Variants in STAG1 observed in about 807,000 individuals in gnomAD.
STAG1 encodes the protein cohesin subunit SA-1.
Under a neutral mutation model 170.9 loss-of-function variants are expected in STAG1, and 26 were observed. The ratio of observed to expected loss-of-function variants is 0.15; its 90% CI spans 0.11 to 0.21. The LOEUF is 0.21. STAG1 is among the 10% of genes least tolerant of loss of function. The pLI is 1.00. For missense variants in STAG1, 964 were observed against 1,509.5 expected, an observed-to-expected ratio of 0.64 and a Z score of 5.99; for synonymous variants, 514 against 497.7, an observed-to-expected ratio of 1.03 and a Z score of -0.44.
chr3:136,341,601 G>A, intron 30 of STAG1, 50 bp from the exon 31 acceptor site: 1 of 1,261,956 alleles, frequency 7.9e-7, no homozygotes, highest in Non-Finnish European at 1.2e-6. Context: ...GATGAATTTA[G>A]CTAATGAGCC....
At chr3:136,632,717 A>G (rs1940379900) in intron 1 of STAG1, among the ~76,000 whole-genome samples, 1 of 152,124 alleles carries the variant, frequency 6.6e-6, no homozygotes, top group Non-Finnish European at 1.5e-5. Flanking sequence ...ACGCATGCCC[A>G]AGGCTAAAAG....
intron 3 of STAG1, among the ~76,000 whole-genome samples, chr3:136,619,768 A>AG (rs1319608526): frequency 6.6e-6 from 1 of 150,650 alleles, no homozygotes; most frequent in Non-Finnish European, 1.5e-5. Flanking sequence ...AAAAAAAAAA[A>AG]AAAAAAAAAA....
intron 3 of STAG1, among the ~76,000 whole-genome samples, chr3:136,615,261 G>C (rs1358532476): frequency 2.0e-5 from 3 of 151,862 alleles, no homozygotes; most frequent in African/African-American, 7.2e-5. Flanking sequence ...ACAAGAGACA[G>C]ATAGATACCT....
intron 22 of STAG1, among the ~76,000 whole-genome samples, chr3:136,388,824 G>C (rs1264553791): frequency 6.6e-6 from 1 of 152,198 alleles, no homozygotes; most frequent in Non-Finnish European, 1.5e-5. Context: ...AGCAGGATAA[G>C]ATACCCATTT....
intron 1 of STAG1, among the ~76,000 whole-genome samples, chr3:136,657,953 G>A (rs574632030): frequency 1.3e-5 from 2 of 152,304 alleles, no homozygotes; most frequent in South Asian, 2.1e-4. Flanking sequence ...TATAAAAAGG[G>A]AACACTATTA....
At chr3:136,616,300 T>C (rs1252846146) in intron 3 of STAG1, among the ~76,000 whole-genome samples, 2 of 151,350 alleles carry the variant, frequency 1.3e-5, no homozygotes, top group African/African-American at 2.4e-5. Flanking sequence ...AGACCTCAAA[T>C]TTCAATAGAT....
intron 5 of STAG1, among the ~76,000 whole-genome samples, chr3:136,563,377 A>C (rs1001133195): frequency 1.3e-5 from 2 of 152,098 alleles, no homozygotes; most frequent in Non-Finnish European, 2.9e-5. Flanking sequence ...TTCTCCCTCC[A>C]TCTTTGTTGA....
intron 16 of STAG1, among the ~76,000 whole-genome samples, chr3:136,426,381 C>A (rs2088125360): frequency 6.6e-6 from 1 of 152,208 alleles, no homozygotes; most frequent in African/African-American, 2.4e-5. Context: ...CACTGCACTC[C>A]AGCCTGGGCA....
At chr3:136,562,263 T>C (rs1050759963) in intron 5 of STAG1, among the ~76,000 whole-genome samples, 3 of 151,498 alleles carry the variant, frequency 2.0e-5, no homozygotes, top group African/African-American at 7.3e-5. Context: ...GTCATTTCTT[T>C]TTCTTTTTTT....
chr3:136,628,167 T>C (rs2107835923), intron 2 of STAG1, among the ~76,000 whole-genome samples: 1 of 152,242 alleles, frequency 6.6e-6, no homozygotes, highest in Non-Finnish European at 1.5e-5. Context: ...GTTTAAAGTG[T>C]GGTACTTCCT....
chr3:136,469,765 T>C (rs1249953943), intron 12 of STAG1, among the ~76,000 whole-genome samples: 1 of 152,184 alleles, frequency 6.6e-6, no homozygotes, highest in African/African-American at 2.4e-5. Flanking sequence ...CAAAACAGCA[T>C]GGTACTGGTA....
At chr3:136,677,243 C>T (rs1942154290) in intron 1 of STAG1, among the ~76,000 whole-genome samples, 1 of 152,024 alleles carries the variant, frequency 6.6e-6, no homozygotes, top group South Asian at 2.1e-4. Flanking sequence ...GACTGGCAGC[C>T]CAATAGGTTT....
chr3:136,477,549 T>C (rs990154563), intron 9 of STAG1, 137 bp from the exon 10 acceptor site: 10 of 678,752 alleles, frequency 1.5e-5, no homozygotes, highest in Non-Finnish European at 2.0e-5. Flanking sequence ...AACTTAAGTA[T>C]CTTCTGTTTT....
chr3:136,626,719 A>G (rs1940113998), intron 2 of STAG1, among the ~76,000 whole-genome samples: 2 of 152,338 alleles, frequency 1.3e-5, no homozygotes, highest in South Asian at 4.1e-4. Flanking sequence ...CATGTTCAGT[A>G]TAGACTATGT....
intron 13 of STAG1, among the ~76,000 whole-genome samples, chr3:136,459,812 G>A (rs901016915): frequency 2.0e-5 from 3 of 152,090 alleles, no homozygotes; most frequent in South Asian, 4.1e-4. Context: ...AAAGAAAATA[G>A]AAACACAACA....
chr3:136,703,466 A>C (rs1408657394), intron 1 of STAG1, among the ~76,000 whole-genome samples: 1 of 152,192 alleles, frequency 6.6e-6, no homozygotes, highest in Non-Finnish European at 1.5e-5. Flanking sequence ...ACCTGCATGG[A>C]GGCTGACCAC....
chr3:136,429,917 T>C lies in STAG1; in HGVS notation c.1650+3639A>G, dbSNP rs1262475280. Among the ~76,000 whole-genome samples, 3 of 152,220 alleles carry C rather than the reference T, an allele frequency of 2.0e-5. No individual in the cohort carries two copies. In the East Asian group the frequency reaches 5.8e-4, roughly 29 times the overall value. The stretch of plus-strand genomic sequence containing the variant: ...CTTTTTTCTCCTCTAGCTTAATTTA[T>C]TGCAAGAATACAGTGTATAATACAT... On this transcript the variant is annotated intron_variant, in intron 16 of 33. Coordinates refer to ENST00000383202, the MANE Select transcript of STAG1 (RefSeq NM_005862.3).
At chr3:136,472,595 G>C (rs934786295) in intron 11 of STAG1, 103 bp from the exon 12 acceptor site, 1 of 711,356 alleles carries the variant, frequency 1.4e-6, no homozygotes, top group Non-Finnish European at 2.3e-6. Context: ...ACTAATGATA[G>C]GTTAAATAAA....
chr3:136,385,997 TAGCCAAGAAG>T (rs1404244497), intron 22 of STAG1, among the ~76,000 whole-genome samples: 1 of 152,198 alleles, frequency 6.6e-6, no homozygotes, highest in African/African-American at 2.4e-5. Context: ...CCACCATGCT[TAGCCAAGAAG>T]AGAAACCTCT....
Sources: allele counts gnomAD v4.1 joint callset (sites outside exome capture counted in the v4.1 genomes callset), GRCh38; gene constraint gnomAD v4.1.1; transcripts MANE v1.5; gene names NCBI Gene and HGNC (gene_info 2026-07-23, HGNC 2026-07-21).